EPHB1: variants seen among roughly 807,000 people sequenced by gnomAD.
EPHB1 encodes EPH receptor B1.
A neutral mutation model predicts 94.4 loss-of-function variants in EPHB1; 30 were observed. The observed-to-expected ratio is 0.32, with a 90% CI of 0.24 to 0.43. EPHB1 has a LOEUF of 0.43. Ranked by LOEUF, EPHB1 falls within the 20% of genes least tolerant of loss-of-function variation. EPHB1 has a pLI of 1.00. For missense variants in EPHB1, 1,055 were observed against 1,308.3 expected (o/e 0.81, Z 2.99); for synonymous variants, 522 against 489.1 (o/e 1.07, Z -0.89).
intron 3 of EPHB1, among the ~76,000 whole-genome samples, chr3:134,967,229 G>A (rs1395064133): frequency 6.6e-6 from 1 of 152,182 alleles, no homozygotes; most frequent in Non-Finnish European, 1.5e-5. Context: ...TTCATGGAGT[G>A]TAAAAAAATG....
rs1182385953 is a variant in EPHB1, at chr3:135,174,944, C to T, written c.1760-4916C>T. 2.0e-5 allele frequency among the ~76,000 whole-genome samples: 3 copies of T among 152,204 alleles called. No individual in the cohort carries two copies. The East Asian group carries it at 5.8e-4, about 29-fold the overall frequency. On this transcript the variant is annotated intron_variant, in intron 9 of 15. Transcript: ENST00000398015. ...ATACTGTGGAATTCTAGGCATCCTC[C>T]ACCAGCTGGGAAGTGCCAGGTTTGT...
rs555202337 is a variant in EPHB1, at chr3:135,030,450, C to A, written c.806-75998C>A. Among the ~76,000 whole-genome samples, 965 of 152,274 alleles carry A rather than the reference C, an allele frequency of 6.3e-3. 10 individuals are homozygous for A. The highest frequency in any genetic ancestry group is 0.021 in the African/African-American group (892 of 41,544). On this transcript the variant is annotated intron_variant, in intron 3 of 15. Coordinates refer to ENST00000398015, the MANE Select transcript of EPHB1 (RefSeq NM_004441.5). ...TTAGTTTTCCTTCTAACAGACAGGA[C>A]CCTCAGCTGCAGGTCTGTTGGAATA...
intron 3 of EPHB1, among the ~76,000 whole-genome samples, chr3:134,982,239 A>G (rs1157747898): frequency 1.3e-5 from 2 of 152,192 alleles, no homozygotes; most frequent in Non-Finnish European, 1.5e-5. Flanking sequence ...TTGTACTGTG[A>G]GGGCTTAGAA....
intron 13 of EPHB1, among the ~76,000 whole-genome samples, chr3:135,245,350 T>G (rs911670092): frequency 6.6e-6 from 1 of 152,088 alleles, no homozygotes; most frequent in Non-Finnish European, 1.5e-5. Flanking sequence ...CCTTCCAAGG[T>G]CTATGCACTA....
chr3:134,901,655 C>T (rs942389267), intron 1 of EPHB1, among the ~76,000 whole-genome samples: 1 of 152,290 alleles, frequency 6.6e-6, no homozygotes, highest in Middle Eastern at 3.4e-3. Flanking sequence ...GAAGAGTCAT[C>T]CAGGGGAAAG....
In EPHB1 at chr3:134,818,524, C is replaced by A. The variant is rs563450000; in HGVS notation, c.58+22835C>A. On this transcript the variant is annotated intron_variant, in intron 1 of 15. Coordinates refer to ENST00000398015, the MANE Select transcript of EPHB1 (RefSeq NM_004441.5). ...ATTTGTAGTCTTTTATCCCTTGCCC[C>A]CCTTCAACTCTTCCCTCTCTTACCC... is the stretch of plus-strand genomic sequence containing the variant. 1.2e-4 allele frequency among the ~76,000 whole-genome samples: 19 copies of A among 152,284 alleles called. No individual in the cohort carries two copies. In the South Asian group the frequency reaches 3.3e-3, roughly 27 times the overall value.
Position 135,154,284 on chromosome 3 carries a change from A to C in EPHB1, c.1422+8A>C. The C allele has an allele frequency of 1.9e-6, 3 of 1,613,870 alleles. No homozygotes were observed. The highest frequency in any genetic ancestry group is 2.5e-6 in the Non-Finnish European group (3 of 1,179,792). ...ATCCGGTACTATGAGAAGGTGAGCC[A>C]GCTCTACCTGCAAGCTTGCAAGACC... On this transcript the variant is annotated splice_region_variant and intron_variant, in intron 6 of 15. Transcript: ENST00000398015.
chr3:134,864,894 T>C (rs2108305232), intron 1 of EPHB1, among the ~76,000 whole-genome samples: 1 of 152,288 alleles, frequency 6.6e-6, no homozygotes. Context: ...TCCCAGTGCA[T>C]CCCACAGACC....
chr3:135,101,436 C>G (rs947818431), intron 3 of EPHB1, among the ~76,000 whole-genome samples: 11 of 151,960 alleles, frequency 7.2e-5, no homozygotes, highest in Admixed American at 1.3e-4. Context: ...TGCAGTGGCG[C>G]GATCTTGGCT....
At chr3:135,172,351 G>A (rs1941828359) in intron 9 of EPHB1, among the ~76,000 whole-genome samples, 3 of 152,248 alleles carry the variant, frequency 2.0e-5, no homozygotes, top group Admixed American at 2.0e-4. Flanking sequence ...TTCATTGTAA[G>A]TGCACTGCTT....
chr3:134,795,472 T>C lies in EPHB1; in HGVS notation c.-160T>C, dbSNP rs1339792936. ...GCACCGCCCCACGCGCACACACTCC[T>C]GCCCACGCCCACGCAGCGCTCCGGG... On this transcript the variant is annotated 5_prime_UTR_variant, in exon 1 of 16. Transcript: ENST00000398015. The C allele has an allele frequency of 3.0e-6, 2 of 659,154 alleles. No homozygotes were observed. The highest frequency in any genetic ancestry group is 6.4e-5 in the Admixed American group (2 of 31,248). The allele number at this position is 659,154 out of a possible 1,614,324, so 40.8% of individuals were successfully genotyped here. A position where few individuals can be genotyped will look rare whatever the true frequency, so the allele number is the denominator to read the frequency against.
chr3:135,024,404 A>G (rs879943445), intron 3 of EPHB1, among the ~76,000 whole-genome samples: 7 of 152,186 alleles, frequency 4.6e-5, no homozygotes, highest in Admixed American at 4.6e-4. Flanking sequence ...CTTCTGTTTT[A>G]ATCCCAGAGA....
intron 11 of EPHB1, among the ~76,000 whole-genome samples, chr3:135,196,031 C>G (rs569585944): frequency 7.1e-6 from 1 of 140,052 alleles, no homozygotes; most frequent in South Asian, 2.4e-4. Flanking sequence ...GCCATTCTAA[C>G]TGGTGTGAGA....
intron 3 of EPHB1, among the ~76,000 whole-genome samples, chr3:134,974,266 G>A (rs1934097503): frequency 6.6e-6 from 1 of 151,860 alleles, no homozygotes; most frequent in African/African-American, 2.4e-5. Context: ...ATACACACAC[G>A]GGCCCCAAAC....
chr3:135,253,589 A>G (rs989147125), intron 15 of EPHB1, among the ~76,000 whole-genome samples: 5 of 150,420 alleles, frequency 3.3e-5, no homozygotes, highest in African/African-American at 1.2e-4. Flanking sequence ...TTTTGGTACC[A>G]GTACCATGCT....
chr3:135,120,643 C>A (rs1406455478), intron 4 of EPHB1, among the ~76,000 whole-genome samples: 3 of 152,258 alleles, frequency 2.0e-5, no homozygotes, highest in South Asian at 2.1e-4. Context: ...TTTTCAATTT[C>A]TTTTTTGTTC....
intron 6 of EPHB1, among the ~76,000 whole-genome samples, chr3:135,154,632 G>T (rs1941296503): frequency 6.6e-6 from 1 of 152,054 alleles, no homozygotes; most frequent in Non-Finnish European, 1.5e-5. Context: ...TGTGTGGTTT[G>T]GTAGATCAGT....
chr3:135,109,475 A>G (rs1169960045), intron 4 of EPHB1, among the ~76,000 whole-genome samples: 2 of 152,218 alleles, frequency 1.3e-5, no homozygotes, highest in Admixed American at 6.5e-5. Flanking sequence ...TAAACTCTCA[A>G]TCGATGTTAG....
At chr3:135,082,157 T>C (rs1938187109) in intron 3 of EPHB1, among the ~76,000 whole-genome samples, 2 of 152,142 alleles carry the variant, frequency 1.3e-5, no homozygotes, top group Non-Finnish European at 2.9e-5. Context: ...GAAGCCATGT[T>C]CCGTGGGAGA....
Sources: allele counts gnomAD v4.1 joint callset (sites outside exome capture counted in the v4.1 genomes callset), GRCh38; gene constraint gnomAD v4.1.1; transcripts MANE v1.5; gene names NCBI Gene and HGNC (gene_info 2026-07-23, HGNC 2026-07-21).